C10orf90: variants seen among roughly 807,000 people sequenced by gnomAD.
C10orf90 encodes the protein chromosome 10 open reading frame 90.
A neutral mutation model predicts 62.5 loss-of-function variants in C10orf90; 56 were observed. The observed-to-expected ratio is 0.90, with a 90% CI of 0.72 to 1.12. The LOEUF (loss-of-function observed/expected upper bound fraction) is 1.12, where lower values mean the gene tolerates loss of function less well. Among genes scored for constraint, C10orf90 ranks in the 50% most tolerant of loss-of-function variants. The probability of loss-of-function intolerance (pLI) is 0.00; values close to 1 mark genes in which losing one functional copy is unlikely to be tolerated. For missense variants in C10orf90, 970 were observed against 880.4 expected (o/e 1.10, Z -1.29); for synonymous variants, 386 against 340.4 (o/e 1.13, Z -1.47).
intron 2 of C10orf90, among the ~76,000 whole-genome samples, chr10:126,567,904 G>A (rs1027698659): frequency 6.6e-6 from 1 of 152,088 alleles, no homozygotes; most frequent in Admixed American, 6.5e-5. Flanking sequence ...CGGCAGGTTT[G>A]TATGCTGATG....
chr10:126,495,836 G>T (rs970514885), intron 4 of C10orf90, among the ~76,000 whole-genome samples: 3 of 152,054 alleles, frequency 2.0e-5, no homozygotes, highest in South Asian at 2.1e-4. Context: ...CTTTTTCCAA[G>T]ATCCCTTCTA....
chr10:126,646,711 T>C (rs760243534), intron 1 of C10orf90, 74 bp from the exon 2 acceptor site: 90 of 320,162 alleles, frequency 2.8e-4, no homozygotes, highest in Non-Finnish European at 3.5e-4. Flanking sequence ...ATAATGTACA[T>C]TATTTTTTTA....
At chr10:126,558,420 TCTC>T (rs1019678297) in intron 2 of C10orf90, among the ~76,000 whole-genome samples, 1 of 152,128 alleles carries the variant, frequency 6.6e-6, no homozygotes, top group African/African-American at 2.4e-5. Flanking sequence ...GCCAGCCTCA[TCTC>T]CTAAGACCAC....
intron 4 of C10orf90, among the ~76,000 whole-genome samples, chr10:126,470,445 A>C (rs1590963010): frequency 6.6e-6 from 1 of 152,380 alleles, no homozygotes; most frequent in Admixed American, 6.5e-5. Context: ...TTAAAAAACA[A>C]GAGGTTGAGC....
intron 2 of C10orf90, among the ~76,000 whole-genome samples, chr10:126,531,915 C>T (rs1234541280): frequency 2.0e-5 from 3 of 152,116 alleles, no homozygotes; most frequent in Non-Finnish European, 2.9e-5. Context: ...GTATAATGAA[C>T]CCCTACAATT....
intron 1 of C10orf90, among the ~76,000 whole-genome samples, chr10:126,663,343 C>T (rs11245084): frequency 0.023 from 3,533 of 152,252 alleles, 121 homozygotes; most frequent in African/African-American, 0.079. Context: ...GTGCTGCCCC[C>T]GACCCAGCAC....
chr10:126,544,262 T>C (rs771069125), intron 2 of C10orf90, among the ~76,000 whole-genome samples: 1 of 152,182 alleles, frequency 6.6e-6, no homozygotes, highest in Non-Finnish European at 1.5e-5. Flanking sequence ...CATCTGCTCA[T>C]AGACCATGAC....
chr10:126,566,789 C>T (rs781716489), intron 2 of C10orf90, among the ~76,000 whole-genome samples: 3 of 152,120 alleles, frequency 2.0e-5, no homozygotes, highest in Middle Eastern at 3.4e-3. Flanking sequence ...GGGGCAAGAG[C>T]GGAGGCAGCG....
chr10:126,565,272 ATAT>A (rs1258782313), intron 2 of C10orf90, among the ~76,000 whole-genome samples: 9 of 43,642 alleles, frequency 2.1e-4, no homozygotes, highest in African/African-American at 5.3e-4. Context: ...TTTATATTAT[ATAT>A]TATATTATAT....
At chr10:126,557,629 A>G (rs1864807594) in intron 2 of C10orf90, among the ~76,000 whole-genome samples, 2 of 152,038 alleles carry the variant, frequency 1.3e-5, no homozygotes, top group Non-Finnish European at 2.9e-5. Flanking sequence ...CTGTGACATC[A>G]TTTTGCATGT....
intron 2 of C10orf90, among the ~76,000 whole-genome samples, chr10:126,633,394 A>G (rs1845888289): frequency 1.3e-5 from 2 of 152,244 alleles, no homozygotes; most frequent in African/African-American, 4.8e-5. Flanking sequence ...ACAGGCCAGG[A>G]GACAGGCCTG....
At chr10:126,530,366 C>T (rs1315018279) in intron 2 of C10orf90, among the ~76,000 whole-genome samples, 1 of 151,350 alleles carries the variant, frequency 6.6e-6, no homozygotes, top group East Asian at 1.9e-4. Context: ...TTAAAACACA[C>T]AGAAATTTCT....
intron 2 of C10orf90, among the ~76,000 whole-genome samples, chr10:126,598,838 G>A (rs1003887593): frequency 2.0e-5 from 3 of 152,166 alleles, no homozygotes; most frequent in Non-Finnish European, 2.9e-5. Context: ...GAAAACTAGG[G>A]AGTCAGGCTG....
chr10:126,474,321 C>T (rs1009563303), intron 4 of C10orf90, among the ~76,000 whole-genome samples: 8 of 152,156 alleles, frequency 5.3e-5, no homozygotes, highest in African/African-American at 1.4e-4. Flanking sequence ...CCACTCTAGA[C>T]GAGTCACCTC....
At chr10:126,429,410 G>C (rs1857442764) in intron 8 of C10orf90, among the ~76,000 whole-genome samples, 1 of 152,170 alleles carries the variant, frequency 6.6e-6, no homozygotes. Flanking sequence ...CAGACCCTTA[G>C]GAGAAATAGT....
chr10:126,532,841 T>TAAAAAAAAA (rs1591075442), intron 2 of C10orf90, among the ~76,000 whole-genome samples: 1 of 2,458 alleles, frequency 4.1e-4, no homozygotes, highest in African/African-American at 7.9e-3. Context: ...AGACTACGTC[T>TAAAAAAAAA]CAAAAAAAAA....
chr10:126,644,301 C>A (rs1479047026), intron 2 of C10orf90, among the ~76,000 whole-genome samples: 1 of 152,220 alleles, frequency 6.6e-6, no homozygotes, highest in Non-Finnish European at 1.5e-5. Context: ...CTCCCTCCTC[C>A]ACTGCAGAAC....
At chr10:126,485,997 T>C (rs904574736) in intron 4 of C10orf90, among the ~76,000 whole-genome samples, 4 of 151,512 alleles carry the variant, frequency 2.6e-5, no homozygotes, top group Admixed American at 1.3e-4. Context: ...TTTAAAAATA[T>C]ATGGCTCAGC....
chr10:126,475,515 T>C (rs996376527), intron 4 of C10orf90, among the ~76,000 whole-genome samples: 3 of 152,238 alleles, frequency 2.0e-5, no homozygotes, highest in Non-Finnish European at 4.4e-5. Context: ...ATCATTAGCA[T>C]GGCCGTCATT....
Sources: allele counts gnomAD v4.1 joint callset (sites outside exome capture counted in the v4.1 genomes callset), GRCh38; gene constraint gnomAD v4.1.1; transcripts MANE v1.5; gene names NCBI Gene and HGNC (gene_info 2026-07-23, HGNC 2026-07-21).